AKAP6: variants seen among roughly 807,000 people sequenced by gnomAD.
AKAP6 encodes the protein A-kinase anchor protein 6.
AKAP6 carries 58 observed loss-of-function variants against 188.5 expected under a neutral mutation model. The observed-to-expected ratio is 0.31, with a 90% confidence interval of 0.25 to 0.38. AKAP6 has a LOEUF of 0.38. Among genes scored for constraint, AKAP6 ranks in the 10% least tolerant of loss-of-function variants. AKAP6 has a pLI of 1.00. For synonymous variants in AKAP6, 989 were observed against 998.6 expected (o/e 0.99, Z 0.18); for missense variants, 2,710 against 2,740.0 (o/e 0.99, Z 0.24).
intron 9 of AKAP6, among the ~76,000 whole-genome samples, chr14:32,706,298 T>G (rs1890809027): frequency 1.3e-5 from 2 of 152,166 alleles, no homozygotes; most frequent in Non-Finnish European, 2.9e-5. Flanking sequence ...ATGATAGACT[T>G]GGGTTGGCTC....
At chr14:32,577,385 A>C in intron 5 of AKAP6, 143 bp downstream of exon 5, 2 of 1,049,250 alleles carry the variant, frequency 1.9e-6, no homozygotes, top group Non-Finnish European at 2.7e-6. Flanking sequence ...ACAGAAGATG[A>C]AAATTTACAG....
At chr14:32,448,829 G>C (rs1300751946) in intron 2 of AKAP6, among the ~76,000 whole-genome samples, 16 of 152,198 alleles carry the variant, frequency 1.1e-4, no homozygotes, top group Admixed American at 1.0e-3. Flanking sequence ...GATCCTGAGA[G>C]AGTAAGGGAG....
intron 1 of AKAP6, among the ~76,000 whole-genome samples, chr14:32,422,836 C>G (rs1266869661): frequency 1.3e-5 from 2 of 152,172 alleles, no homozygotes; most frequent in African/African-American, 4.8e-5. Flanking sequence ...TAATTCTTCC[C>G]TACACACCCC....
chr14:32,403,183 A>AGAGG (rs1889157327), intron 1 of AKAP6: 1 of 152,214 alleles, frequency 6.6e-6, no homozygotes, highest in South Asian at 2.1e-4. Context: ...TTTTCTTGGG[A>AGAGG]GAGGGACCAT....
intron 11 of AKAP6, among the ~76,000 whole-genome samples, chr14:32,771,004 T>C (rs1346849551): frequency 6.6e-6 from 1 of 152,196 alleles, no homozygotes; most frequent in African/African-American, 2.4e-5. Flanking sequence ...CCAAAGATAG[T>C]TATAATAATT....
At chr14:32,588,391 G>T (rs1885342325) in intron 5 of AKAP6, among the ~76,000 whole-genome samples, 1 of 152,146 alleles carries the variant, frequency 6.6e-6, no homozygotes, top group Non-Finnish European at 1.5e-5. Flanking sequence ...AATACTCAAT[G>T]AACTTTATTG....
chr14:32,505,067 AG>A (rs1880801854), intron 2 of AKAP6, among the ~76,000 whole-genome samples: 1 of 152,218 alleles, frequency 6.6e-6, no homozygotes, highest in Non-Finnish European at 1.5e-5. Context: ...GTCCTTTCAT[AG>A]GGAGGAGCAC....
intron 2 of AKAP6, among the ~76,000 whole-genome samples, chr14:32,496,309 G>T (rs1880310586): frequency 6.6e-6 from 1 of 152,062 alleles, no homozygotes; most frequent in Non-Finnish European, 1.5e-5. Context: ...TTCTTAAATT[G>T]AGATTCACTG....
Position 32,498,628 on chromosome 14 carries a change from G to A in AKAP6, c.325-36926G>A, listed in dbSNP as rs538207238. 3.0e-3 allele frequency among the ~76,000 whole-genome samples: 450 copies of A among 152,092 alleles called. 4 individuals carry two copies. The highest frequency in any genetic ancestry group is 9.0e-3 in the African/African-American group (374 of 41,500). On this transcript the variant is annotated intron_variant, in intron 2 of 13. Coordinates refer to ENST00000280979, the MANE Select transcript of AKAP6 (RefSeq NM_004274.5). ...TGCTTTTTTTAATTGAGGCTTTCCTGTAGGTCAGCCATTGGGAATTCGAGG... is the reference window on the plus strand; with the variant it reads ...TGCTTTTTTTAATTGAGGCTTTCCTATAGGTCAGCCATTGGGAATTCGAGG...
rs543348755 is a variant in AKAP6 at position 32,347,537 on chromosome 14, G to C, written c.-35+18129G>C. Among the ~76,000 whole-genome samples, 4 of 152,310 alleles carry C rather than the reference G, an allele frequency of 2.6e-5. No individual in the cohort carries two copies. The South Asian group carries it at 8.3e-4, about 32-fold the overall frequency. On this transcript the variant is annotated intron_variant, in intron 1 of 13. Transcript: ENST00000280979. ...CATATATCAAACCAATTAGAATGAA[G>C]TATTTAAAAATAAATTACAGAGCTT...
At chr14:32,660,967 A>G (rs1424351811) in intron 7 of AKAP6, among the ~76,000 whole-genome samples, 1 of 111,726 alleles carries the variant, frequency 9.0e-6, no homozygotes, top group African/African-American at 3.5e-5. Flanking sequence ...TTGTGTGTCT[A>G]TATCTCATTG....
At chr14:32,628,314 A>C (rs932791197) in intron 7 of AKAP6, among the ~76,000 whole-genome samples, 2 of 152,102 alleles carry the variant, frequency 1.3e-5, no homozygotes, top group African/African-American at 4.8e-5. Context: ...ATTAACTTCA[A>C]TTCAACTTTT....
rs1042510135 is a variant in AKAP6, at chr14:32,605,605, A to G, written c.2730+4813A>G. On this transcript the variant is annotated intron_variant, in intron 7 of 13. Coordinates refer to ENST00000280979, the MANE Select transcript of AKAP6 (RefSeq NM_004274.5). ...TGTTTAAGCCAAAATTTTTATTGTCATATTGCAATAAATCGAGCAAGCTTA... is the reference window on the plus strand; with the variant it reads ...TGTTTAAGCCAAAATTTTTATTGTCGTATTGCAATAAATCGAGCAAGCTTA... Among the ~76,000 whole-genome samples, 3 of 152,200 alleles carry G rather than the reference A, an allele frequency of 2.0e-5. No homozygotes were observed. The South Asian group carries it at 6.2e-4, about 31-fold the overall frequency.
chr14:32,824,422 T>G lies in AKAP6; in HGVS notation c.6609T>G (p.Leu2203=). The stretch of plus-strand genomic sequence containing the variant: ...CTTCTGAGTTCAGTGATAGTTCTCT[T>G]TCAGCTGATGATGCAGATACAGTGG... The part of the protein sequence containing the change: ...ACSSEFSDSS[L]SADDADTVAL... The change falls in exon 13 of 14, where the codon CTT becomes CTG. Residue 2203 remains leucine, a synonymous_variant. Transcript: ENST00000280979. 6.2e-7 allele frequency: 1 copy of G among 1,613,922 alleles called. No homozygotes were observed. Among genetic ancestry groups the G allele is most frequent in the Non-Finnish European group, 8.5e-7 (1 of 1,179,960 alleles).
At chr14:32,722,999 C>T (rs540414293) in intron 9 of AKAP6, among the ~76,000 whole-genome samples, 10 of 152,154 alleles carry the variant, frequency 6.6e-5, no homozygotes, top group Non-Finnish European at 1.2e-4. Context: ...TAGATGCTGC[C>T]GCGGGCCAGT....
chr14:32,488,761 G>A (rs552524634), intron 2 of AKAP6, among the ~76,000 whole-genome samples: 1 of 152,236 alleles, frequency 6.6e-6, no homozygotes, highest in African/African-American at 2.4e-5. Context: ...TGGCCCTAGG[G>A]GAGGGAGTTT....
Position 32,546,031 on chromosome 14 carries a change from C to G in AKAP6, c.1378C>G (p.His460Asp), listed in dbSNP as rs142519432. 11 of 1,614,032 alleles carry G rather than the reference C, an allele frequency of 6.8e-6. No homozygotes were observed. Among genetic ancestry groups the G allele is most frequent in the Non-Finnish European group, 9.3e-6 (11 of 1,180,026 alleles). ...SAASQSYECL[H>D]KVGNGNLENT... ...TGCCAGCCAGTCTTATGAGTGTTTA[C>G]ACAAGGTGGGGAATGGGAACCTTGA... is the stretch of plus-strand genomic sequence containing the variant. The change falls in exon 4 of 14, where the codon CAC becomes GAC. Residue 460 changes from histidine to aspartate, a missense_variant. Physicochemically the swap from His to Asp is moderately conservative, Grantham distance 81. Transcript: ENST00000280979.
chr14:32,695,375 A>AGGCAGATAGACAGCAGAGG (rs1408592427), intron 8 of AKAP6, among the ~76,000 whole-genome samples: 20 of 152,218 alleles, frequency 1.3e-4, no homozygotes, highest in Admixed American at 1.0e-3. Context: ...TTGCAGAGAT[A>AGGCAGATAGACAGCAGAGG]GGCAGATAGA....
intron 1 of AKAP6, among the ~76,000 whole-genome samples, chr14:32,381,212 C>T (rs886314393): frequency 7.9e-5 from 12 of 151,946 alleles, no homozygotes; most frequent in Admixed American, 2.0e-4. Context: ...TGGTGGCACA[C>T]GCGTGTAATC....
Sources: allele counts gnomAD v4.1 joint callset (sites outside exome capture counted in the v4.1 genomes callset), GRCh38; gene constraint gnomAD v4.1.1; transcripts MANE v1.5; gene names NCBI Gene and HGNC (gene_info 2026-07-23, HGNC 2026-07-21).